PLA2G2A: variants seen among roughly 807,000 people sequenced by gnomAD.
PLA2G2A encodes phospholipase A2 group IIA.
Under a neutral mutation model 11.2 loss-of-function variants are expected in PLA2G2A, and 6 were observed. The ratio of observed to expected loss-of-function variants is 0.54; its 90% CI spans 0.29 to 1.06. PLA2G2A has a LOEUF of 1.06. PLA2G2A is among the 50% of genes least tolerant of loss of function. The pLI, the probability that PLA2G2A is intolerant of heterozygous loss-of-function variation, is 0.08. For synonymous variants in PLA2G2A, 69 were observed against 65.8 expected (o/e 1.05, Z -0.23); for missense variants, 133 against 177.1 (o/e 0.75, Z 1.41).
At chr1:19,979,427 TACACTCAC>T (rs1456078347) in intron 1 of PLA2G2A, among the ~76,000 whole-genome samples, 145 bp downstream of exon 1, 1 of 152,084 alleles carries the variant, frequency 6.6e-6, no homozygotes, top group East Asian at 1.9e-4. Context: ...TCTCTTACAC[TACACTCAC>T]ATACTCACTC....
At chr1:19,975,633 G>A (rs2046208845), downstream of PLA2G2A, 2 of 1,450,434 alleles carry the variant, frequency 1.4e-6, no homozygotes, top group Non-Finnish European at 1.9e-6. Context: ...ACTTGGTTAG[G>A]GTAGGGAGGG....
In PLA2G2A at chr1:19,976,723, C is replaced by A. The variant is rs11573172; in HGVS notation, c.293-880G>T. ...GGACACCAAGCAAAGCCTTCCAGTG[C>A]CACCCACCTCTCCTCCCCTTCAGGG... On this transcript the variant is annotated intron_variant, in intron 4 of 4. Coordinates refer to ENST00000482011, the Ensembl canonical transcript of PLA2G2A. 4.6e-3 allele frequency among the ~76,000 whole-genome samples: 707 copies of A among 152,300 alleles called. 4 individuals carry two copies. Among genetic ancestry groups the A allele is most frequent in the African/African-American group, 0.017 (687 of 41,566 alleles).
At chr1:19,980,084 A>T (rs1017522757), upstream of PLA2G2A, among the ~76,000 whole-genome samples, 13 of 152,296 alleles carry the variant, frequency 8.5e-5, no homozygotes, top group South Asian at 2.5e-3. Context: ...CAGCCGCTCA[A>T]TCATTCATTC....
chr1:19,978,256 G>A (rs1012604370), intron 3 of PLA2G2A, 124 bp downstream of exon 3: 47 of 1,381,204 alleles, frequency 3.4e-5, no homozygotes, highest in Middle Eastern at 2.3e-4. Context: ...CCAACATGCC[G>A]GCTGCTTTTC....
At chr1:19,978,588 C>T (rs1177142100) in intron 2 of PLA2G2A, 64 bp from the exon 3 acceptor site, 1 of 1,606,018 alleles carries the variant, frequency 6.2e-7, no homozygotes, top group African/African-American at 1.3e-5. Flanking sequence ...CCCTCTCTGC[C>T]CCTCTCTGCT....
chr1:19,975,822 C>T (rs1275233636), exon 5 of PLA2G2A: 5 of 1,614,094 alleles, frequency 3.1e-6, no homozygotes, highest in Non-Finnish European at 4.2e-6. Context: ...ACACAGTTGA[C>T]TTCTGCAGGA....
chr1:19,978,830 G>T (rs946612582), exon 2 of PLA2G2A: 1 of 1,569,034 alleles, frequency 6.4e-7, no homozygotes, highest in Non-Finnish European at 8.8e-7. Context: ...TCTGCTGGGT[G>T]GTCTCAACTT....
At chr1:19,978,972 TGCACAC>T in intron 1 of PLA2G2A, 93 bp from the exon 2 acceptor site, 1 of 439,316 alleles carries the variant, frequency 2.3e-6, no homozygotes, top group Non-Finnish European at 3.9e-6. Flanking sequence ...CCTCCAGCAA[TGCACAC>T]ACACACACAC....
chr1:19,976,244 A>T (rs1441538135), intron 4 of PLA2G2A, among the ~76,000 whole-genome samples: 1 of 152,186 alleles, frequency 6.6e-6, no homozygotes, highest in Non-Finnish European at 1.5e-5. Context: ...TGTTCCAACC[A>T]ATGAGCAACA....
chr1:19,976,064 T>C (rs943997760), intron 4 of PLA2G2A, among the ~76,000 whole-genome samples: 1 of 152,192 alleles, frequency 6.6e-6, no homozygotes, highest in Non-Finnish European at 1.5e-5. Flanking sequence ...ACTGGGATAC[T>C]TTCTCAAAGG....
intron 2 of PLA2G2A, 67 bp downstream of exon 2, chr1:19,978,667 T>G (rs2046259852): frequency 6.3e-7 from 1 of 1,599,098 alleles, no homozygotes; most frequent in African/African-American, 1.3e-5. Context: ...GAGAGAAAAC[T>G]AAGGGACAAG....
intron 4 of PLA2G2A, among the ~76,000 whole-genome samples, chr1:19,976,584 C>A (rs191889874): frequency 1.3e-5 from 2 of 152,204 alleles, no homozygotes; most frequent in Admixed American, 6.5e-5. Flanking sequence ...GCTGAAGATA[C>A]ATGCCTCTAT....
chr1:19,980,172 GGA>G (rs1226467300), upstream of PLA2G2A, among the ~76,000 whole-genome samples: 1 of 152,190 alleles, frequency 6.6e-6, no homozygotes, highest in African/African-American at 2.4e-5. Flanking sequence ...AGTCCACCAG[GGA>G]GAGAGTTTAA....
At chr1:19,978,383 T>C in exon 3 of PLA2G2A, 1 of 1,612,364 alleles carries the variant, frequency 6.2e-7, no homozygotes, top group East Asian at 2.2e-5. Flanking sequence ...GCCTCACCGA[T>C]CCGTTGCATC....
chr1:19,978,346 G>A (rs376040344), intron 3 of PLA2G2A, 34 bp downstream of exon 3: 12 of 1,607,284 alleles, frequency 7.5e-6, no homozygotes, highest in East Asian at 2.2e-5. Context: ...CTGGGCCAGA[G>A]TCTAGGAGGG....
At chr1:19,977,991 T>G (rs1216076848) in intron 4 of PLA2G2A, 24 bp downstream of exon 4, 1 of 1,372,940 alleles carries the variant, frequency 7.3e-7, no homozygotes, top group East Asian at 2.3e-5. Flanking sequence ...TGAGGGCCAC[T>G]CGATGGTGAG....
upstream of PLA2G2A, among the ~76,000 whole-genome samples, chr1:19,979,948 T>C (rs764030387): frequency 8.5e-5 from 13 of 152,242 alleles, no homozygotes; most frequent in Non-Finnish European, 1.9e-4. Flanking sequence ...GACTGTCTGC[T>C]GTTGCAGGCT....
intron 1 of PLA2G2A, 122 bp from the exon 2 acceptor site, chr1:19,979,001 A>ACACACACACACC: frequency 1.9e-6 from 1 of 525,370 alleles, no homozygotes; most frequent in Non-Finnish European, 3.5e-6. Context: ...ACACACACAC[A>ACACACACACACC]ACCACCTCCT....
intron 1 of PLA2G2A, among the ~76,000 whole-genome samples, chr1:19,979,223 G>C (rs2100420280): frequency 6.6e-6 from 1 of 152,200 alleles, no homozygotes; most frequent in South Asian, 2.1e-4. Context: ...CCCCACACTG[G>C]ATTCAAGGCT....
Sources: allele counts gnomAD v4.1 joint callset (sites outside exome capture counted in the v4.1 genomes callset), GRCh38; gene constraint gnomAD v4.1.1; transcripts MANE v1.5; gene names NCBI Gene and HGNC (gene_info 2026-07-23, HGNC 2026-07-21).